ALPK1: variants seen among roughly 807,000 people sequenced by gnomAD.
ALPK1 encodes the protein alpha-protein kinase 1.
ALPK1 carries 110 observed loss-of-function variants against 120.6 expected under a neutral mutation model. The observed-to-expected ratio is 0.91, with a 90% CI of 0.78 to 1.07. The LOEUF (loss-of-function observed/expected upper bound fraction) is 1.07. Ranked by LOEUF, ALPK1 falls within the 50% of genes least tolerant of loss-of-function variation. The probability of loss-of-function intolerance (pLI) is 0.00; values close to 1 mark genes in which losing one functional copy is unlikely to be tolerated. For synonymous variants in ALPK1, 582 were observed against 560.3 expected, an observed-to-expected ratio of 1.04 and a Z score of -0.55; for missense variants, 1,498 against 1,483.9, an observed-to-expected ratio of 1.01 and a Z score of -0.16.
intron 1 of ALPK1, among the ~76,000 whole-genome samples, chr4:112,299,819 A>G (rs1031849082): frequency 3.9e-5 from 6 of 152,206 alleles, no homozygotes; most frequent in Non-Finnish European, 7.3e-5. Context: ...AGGGATGCAG[A>G]AGATAGCCAA....
chr4:112,315,912 G>A (rs371167550), intron 2 of ALPK1, 60 bp downstream of exon 2: 1 of 152,218 alleles, frequency 6.6e-6, no homozygotes, highest in East Asian at 1.9e-4. Flanking sequence ...ATAGCAATAC[G>A]TAGTCATTGT....
intron 2 of ALPK1, among the ~76,000 whole-genome samples, chr4:112,370,273 A>T (rs1364785890): frequency 6.6e-6 from 1 of 152,206 alleles, no homozygotes. Flanking sequence ...GTATAAACAC[A>T]TGACCCCTTA....
At chr4:112,374,135 C>T (rs1333801225) in intron 2 of ALPK1, among the ~76,000 whole-genome samples, 1 of 152,226 alleles carries the variant, frequency 6.6e-6, no homozygotes, top group Admixed American at 6.5e-5. Flanking sequence ...GAACTTCTTT[C>T]AAAATTGCAG....
At position 112,441,814 on chromosome 4, in the gene ALPK1, A is replaced by C. The variant is rs892939685; in HGVS notation, c.*604A>C. 3 of 152,784 alleles carry C rather than the reference A, an allele frequency of 2.0e-5. No individual in the cohort carries two copies. The highest frequency in any genetic ancestry group is 7.2e-5 in the African/African-American group (3 of 41,462). 9.5% of individuals were successfully genotyped at this position (152,784 alleles called of 1,614,324 possible). A position where few individuals can be genotyped will look rare whatever the true frequency, so the allele number is the denominator to read the frequency against. On this transcript the variant is annotated 3_prime_UTR_variant, in exon 16 of 16. Transcript: ENST00000650871. The stretch of plus-strand genomic sequence containing the variant: ...AGTATAATTAAATCTGTAAAAAGTA[A>C]GATGGAAGAGTGGTACAGTTTTCTT...
chr4:112,419,002 G>A (rs1412836349), intron 5 of ALPK1, among the ~76,000 whole-genome samples: 1 of 152,152 alleles, frequency 6.6e-6, no homozygotes, highest in Non-Finnish European at 1.5e-5. Flanking sequence ...AGACAATATG[G>A]CTGAACACAT....
chr4:112,332,142 G>T (rs915546366), intron 2 of ALPK1, among the ~76,000 whole-genome samples: 1 of 152,198 alleles, frequency 6.6e-6, no homozygotes, highest in East Asian at 1.9e-4. Flanking sequence ...TAAGTGGCAA[G>T]AGAGGTTTAT....
intron 5 of ALPK1, among the ~76,000 whole-genome samples, chr4:112,422,806 C>T (rs1046471606): frequency 6.6e-6 from 1 of 152,184 alleles, no homozygotes; most frequent in Non-Finnish European, 1.5e-5. Context: ...AAGCAGAGGC[C>T]TTGGGGGAGG....
intron 2 of ALPK1, among the ~76,000 whole-genome samples, chr4:112,318,291 T>A (rs1728722516): frequency 6.6e-6 from 1 of 152,220 alleles, no homozygotes; most frequent in South Asian, 2.1e-4. Context: ...TTAATGAAAT[T>A]TTCATGTGTC....
chr4:112,309,987 A>G (rs1007411605), intron 1 of ALPK1, among the ~76,000 whole-genome samples: 1 of 151,914 alleles, frequency 6.6e-6, no homozygotes, highest in Non-Finnish European at 1.5e-5. Flanking sequence ...TGATTTCTTC[A>G]TCTCTGTACA....
intron 2 of ALPK1, among the ~76,000 whole-genome samples, chr4:112,333,660 A>G (rs1419830527): frequency 6.6e-6 from 1 of 152,228 alleles, no homozygotes; most frequent in Non-Finnish European, 1.5e-5. Flanking sequence ...TTTGACCCAA[A>G]GGAGCTATAT....
At chr4:112,358,701 C>G in intron 2 of ALPK1, 1 of 755,674 alleles carries the variant, frequency 1.3e-6, no homozygotes, top group Admixed American at 1.8e-5. Context: ...AGAGGAGCCG[C>G]AAGGAAGGAG....
chr4:112,420,565 G>A (rs7686711), intron 5 of ALPK1, among the ~76,000 whole-genome samples: 48,428 of 152,010 alleles, frequency 0.32, 8,158 homozygotes, highest in Non-Finnish European at 0.37. Context: ...AACACAACTG[G>A]CATGCAATGG....
Position 112,382,532 on chromosome 4 carries a change from G to T in ALPK1, c.256G>T (p.Ala86Ser), listed in dbSNP as rs773063913. 3.1e-6 allele frequency: 5 copies of T among 1,614,120 alleles called. No individual in the cohort carries two copies. In the East Asian group the frequency reaches 8.9e-5, roughly 29 times the overall value. ...DKTNLKDVIG[A>S]GLQQLLASLR... ...AACAAACCTGAAGGATGTGATTGGC[G>T]CCGGGTTGCAGCAGTTACTGGTAGG... is the stretch of plus-strand genomic sequence containing the variant. The change falls in exon 4 of 16, where the codon GCC becomes TCC. Residue 86 changes from alanine to serine, a missense_variant. Physicochemically the swap from Ala to Ser is moderately conservative, Grantham distance 99. Transcript: ENST00000650871.
chr4:112,346,895 C>T (rs186041508), intron 2 of ALPK1, among the ~76,000 whole-genome samples: 12 of 152,288 alleles, frequency 7.9e-5, no homozygotes, highest in Admixed American at 2.6e-4. Context: ...TCATAAATAA[C>T]GACCCCACTT....
chr4:112,308,907 G>A (rs1368814130), intron 1 of ALPK1, among the ~76,000 whole-genome samples: 3 of 152,122 alleles, frequency 2.0e-5, no homozygotes, highest in African/African-American at 7.3e-5. Context: ...TGATGATGGT[G>A]ACGTACAGAT....
chr4:112,304,087 T>C (rs990060568), intron 1 of ALPK1, among the ~76,000 whole-genome samples: 1 of 152,194 alleles, frequency 6.6e-6, no homozygotes, highest in African/African-American at 2.4e-5. Flanking sequence ...ACTCATCCTT[T>C]TTTATGGCTG....
At chr4:112,321,057 C>T (rs1441129167) in intron 2 of ALPK1, among the ~76,000 whole-genome samples, 7 of 151,806 alleles carry the variant, frequency 4.6e-5, no homozygotes, top group South Asian at 2.1e-4. Context: ...CCACCACGCC[C>T]GGCTAATTTT....
At chr4:112,382,821 C>A (rs1417740064) in intron 4 of ALPK1, 2 of 372,550 alleles carry the variant, frequency 5.4e-6, no homozygotes, top group African/African-American at 2.1e-5. Context: ...ATTTACATAT[C>A]CTTGGTGGGC....
chr4:112,305,895 T>C (rs1336662787), intron 1 of ALPK1, among the ~76,000 whole-genome samples: 2 of 152,080 alleles, frequency 1.3e-5, no homozygotes, highest in Non-Finnish European at 2.9e-5. Flanking sequence ...TTGTCATAGA[T>C]AGCTCTTATT....
Sources: gnomAD v4.1 joint callset for allele counts (sites outside exome capture counted in the v4.1 genomes callset) on GRCh38, gnomAD v4.1.1 for gene constraint, MANE v1.5 for transcripts, NCBI Gene and HGNC (gene_info 2026-07-23, HGNC 2026-07-21) for gene names.